The following SLC12A2 variants were observed in gnomAD, a reference collection of about 807,000 sequenced individuals.
SLC12A2 encodes the protein Na-K-2Cl cotransporter 1.
In SLC12A2, 67 loss-of-function variants were observed where a neutral mutation model predicts 136.3. The observed-to-expected ratio is 0.49, with a 90% CI of 0.40 to 0.60. The LOEUF (loss-of-function observed/expected upper bound fraction) is 0.60, where lower values mean the gene tolerates loss of function less well. Among genes scored for constraint, SLC12A2 ranks in the 20% least tolerant of loss-of-function variants. The pLI is 0.00. For missense variants in SLC12A2, 1,322 were observed against 1,534.7 expected, an observed-to-expected ratio of 0.86 and a Z score of 2.32; for synonymous variants, 619 against 562.9, an observed-to-expected ratio of 1.10 and a Z score of -1.41.
At chr5:128,174,485 T>C in intron 19 of SLC12A2, 56 bp from the exon 20 acceptor site, 1 of 1,334,980 alleles carries the variant, frequency 7.5e-7, no homozygotes, top group Middle Eastern at 2.2e-4. Flanking sequence ...CATAATGCCT[T>C]ATTTAACAGT....
chr5:128,086,263 A>G (rs1760096042), intron 1 of SLC12A2, among the ~76,000 whole-genome samples: 1 of 152,196 alleles, frequency 6.6e-6, no homozygotes, highest in South Asian at 2.1e-4. Context: ...AAATTATCTC[A>G]ATAACAAAGC....
At chr5:128,176,349 A>G (rs560860393) in intron 20 of SLC12A2, among the ~76,000 whole-genome samples, 67 of 152,152 alleles carry the variant, frequency 4.4e-4, no homozygotes, top group African/African-American at 1.4e-3. Context: ...GCAATCTTGC[A>G]GCCTAACTCC....
chr5:128,123,142 G>C (rs1761652153), intron 4 of SLC12A2, among the ~76,000 whole-genome samples: 2 of 152,012 alleles, frequency 1.3e-5, no homozygotes, highest in Admixed American at 6.5e-5. Flanking sequence ...GTTTGCTGCA[G>C]AATTAGGGTT....
At chr5:128,136,128 C>A (rs1419617870) in intron 7 of SLC12A2, among the ~76,000 whole-genome samples, 1 of 152,118 alleles carries the variant, frequency 6.6e-6, no homozygotes, top group Non-Finnish European at 1.5e-5. Flanking sequence ...TCTAATATGA[C>A]TTTCATTCTT....
At chr5:128,124,940 T>A (rs1329913160) in intron 4 of SLC12A2, among the ~76,000 whole-genome samples, 1 of 152,200 alleles carries the variant, frequency 6.6e-6, no homozygotes, top group South Asian at 2.1e-4. Flanking sequence ...GGGCTTATTT[T>A]AAATAACAAA....
chr5:128,186,213 G>T (rs745340499), intron 26 of SLC12A2, among the ~76,000 whole-genome samples: 57 of 152,116 alleles, frequency 3.7e-4, no homozygotes, highest in Non-Finnish European at 7.5e-4. Context: ...GCCTAGATGT[G>T]TAGTAGGCTA....
intron 1 of SLC12A2, chr5:128,109,828 C>T (rs1761079920): frequency 1.8e-5 from 14 of 791,392 alleles, no homozygotes; most frequent in Non-Finnish European, 2.8e-5. Flanking sequence ...GAGTTAAATT[C>T]CAAGGTCAAG....
rs1763971027 is a variant in SLC12A2 at position 128,189,265 on chromosome 5, T to G, written c.*2634T>G. 6.6e-6 allele frequency: 1 copy of G among 152,206 alleles called. No individual in the cohort carries two copies. The highest frequency in any genetic ancestry group is 1.9e-4 in the East Asian group (1 of 5,202). The allele number at this position is 152,206 out of a possible 1,614,324, so 9.4% of individuals were successfully genotyped here. The stretch of plus-strand genomic sequence containing the variant: ...TTTTATGCCAAATTTTTTTTAGTTC[T>G]AATCATTGATGATAGCTTGGAAATA... On this transcript the variant is annotated 3_prime_UTR_variant, in exon 27 of 27. Transcript: ENST00000262461.
chr5:128,140,384 A>G (rs1318226455), intron 9 of SLC12A2, among the ~76,000 whole-genome samples: 1 of 152,220 alleles, frequency 6.6e-6, no homozygotes, highest in Non-Finnish European at 1.5e-5. Flanking sequence ...GAAAACACGG[A>G]TGAATATATA....
chr5:128,166,361 C>A (rs764821868), intron 17 of SLC12A2, among the ~76,000 whole-genome samples: 1 of 151,246 alleles, frequency 6.6e-6, no homozygotes, highest in African/African-American at 2.4e-5. Flanking sequence ...AAAGCATGAG[C>A]AATAAAAGGG....
rs1460573952 is a variant in SLC12A2 at position 128,189,575 on chromosome 5, T to C, written c.*2944T>C. 6.6e-6 allele frequency: 1 copy of C among 152,646 alleles called. No homozygotes were observed. Among genetic ancestry groups the C allele is most frequent in the Non-Finnish European group, 1.5e-5 (1 of 68,024 alleles). 9.5% of individuals were successfully genotyped at this position (152,646 alleles called of 1,614,324 possible). ...GTAATATTTTGATAATACTGTAATATACCTGTCACACAAATGCTTTTCTAA... is the reference window on the plus strand; with the variant it reads ...GTAATATTTTGATAATACTGTAATACACCTGTCACACAAATGCTTTTCTAA... On this transcript the variant is annotated 3_prime_UTR_variant, in exon 27 of 27. Coordinates refer to ENST00000262461, the MANE Select transcript of SLC12A2 (RefSeq NM_001046.3).
intron 1 of SLC12A2, among the ~76,000 whole-genome samples, chr5:128,112,053 A>C (rs1761167681): frequency 1.3e-5 from 2 of 152,134 alleles, no homozygotes; most frequent in African/African-American, 4.8e-5. Context: ...CTTTCCTTTC[A>C]TGACCTTTTT....
Position 128,107,664 on chromosome 5 carries a change from G to A in SLC12A2, c.757-5150G>A, listed in dbSNP as rs573348158. Among the ~76,000 whole-genome samples, 5 of 152,286 alleles carry A rather than the reference G, an allele frequency of 3.3e-5. No individual in the cohort carries two copies. In the South Asian group the frequency reaches 1.0e-3, roughly 32 times the overall value. On this transcript the variant is annotated intron_variant, in intron 1 of 26. Transcript: ENST00000262461. ...TGCATAGTATTCTATGTGTATATGTGCAACATTTTCTTTATTCAGTCTATC... is the reference window on the plus strand; with the variant it reads ...TGCATAGTATTCTATGTGTATATGTACAACATTTTCTTTATTCAGTCTATC...
rs774048943 is a variant in SLC12A2, at chr5:128,163,381, TAGTC to T, written c.2616+1585_2616+1588del. ...CTGTCTCTACTAAAAATACAAAAGT[TAGTC>T]AGTTGTGGTGGCACGCACCTGTAAT... On this transcript the variant is annotated intron_variant, in intron 17 of 26. Coordinates refer to ENST00000262461, the MANE Select transcript of SLC12A2 (RefSeq NM_001046.3). Among the ~76,000 whole-genome samples, 320 of 152,096 alleles carry T rather than the reference TAGTC, an allele frequency of 2.1e-3. 3 individuals carry two copies. The highest frequency in any genetic ancestry group is 7.3e-3 in the African/African-American group (303 of 41,504).
Position 128,188,634 on chromosome 5 carries a change from T to G in SLC12A2, c.*2003T>G, listed in dbSNP as rs557076928. On this transcript the variant is annotated 3_prime_UTR_variant, in exon 27 of 27. Coordinates refer to ENST00000262461, the MANE Select transcript of SLC12A2 (RefSeq NM_001046.3). The stretch of plus-strand genomic sequence containing the variant: ...GATAGACATCTATAACGTTATTATT[T>G]TCAGTGGTGTGCAGCATTTTTGCTT... 2 of 152,106 alleles carry G rather than the reference T, an allele frequency of 1.3e-5. No individual in the cohort carries two copies. Among genetic ancestry groups the G allele is most frequent in the Non-Finnish European group, 2.9e-5 (2 of 67,992 alleles). 9.4% of individuals were successfully genotyped at this position (152,106 alleles called of 1,614,324 possible). A position where few individuals can be genotyped will look rare whatever the true frequency, so the allele number is the denominator to read the frequency against.
chr5:128,147,734 G>C lies in SLC12A2; in HGVS notation c.1881+5G>C. The C allele has an allele frequency of 1.9e-6, 3 of 1,543,742 alleles. No individual in the cohort carries two copies. Among genetic ancestry groups the C allele is most frequent in the Non-Finnish European group, 2.7e-6 (3 of 1,117,546 alleles). ...AGTGCTCCCAAAATATTTCAGGTAA[G>C]TGTTTTTATATTACAGGCTTTATTA... On this transcript the variant is annotated splice_donor_5th_base_variant and intron_variant, in intron 11 of 26. Transcript: ENST00000262461.
In SLC12A2 at chr5:128,177,146, A is replaced by G. The variant is rs1213786749; in HGVS notation, c.2971A>G (p.Lys991Glu). The G allele has an allele frequency of 6.3e-7, 1 of 1,592,996 alleles. No individual in the cohort carries two copies. The highest frequency in any genetic ancestry group is 1.8e-5 in the Admixed American group (1 of 55,804). ...CAAGACTGCAACTCAACCACTGTTGAAAAAAGGCAGGCATTTTTCATCATT... is the reference window on the plus strand; with the variant it reads ...CAAGACTGCAACTCAACCACTGTTGGAAAAAGGCAGGCATTTTTCATCATT... Reference protein sequence around the residue: ...DGKTATQPLLKKESKGPIVPL... With the variant: ...DGKTATQPLLEKESKGPIVPL... The change falls in exon 21 of 27, where the codon AAA (lysine) becomes GAA (glutamate). Residue 991 changes from lysine to glutamate, a missense_variant. Transcript: ENST00000262461.
At chr5:128,147,499 G>A (rs1409982832) in intron 10 of SLC12A2, 123 bp from the exon 11 acceptor site, 6 of 603,400 alleles carry the variant, frequency 9.9e-6, no homozygotes, top group Non-Finnish European at 1.8e-5. Context: ...TAGCGTTGTT[G>A]TTATTATTAT....
intron 1 of SLC12A2, among the ~76,000 whole-genome samples, chr5:128,102,585 C>A (rs60942117): frequency 5.0e-4 from 7 of 13,880 alleles, no homozygotes; most frequent in South Asian, 1.8e-3. Context: ...GTAATTCACC[C>A]CCCCCCCCGC....
Sources: gnomAD v4.1 joint callset for allele counts (sites outside exome capture counted in the v4.1 genomes callset) on GRCh38, gnomAD v4.1.1 for gene constraint, MANE v1.5 for transcripts, NCBI Gene and HGNC (gene_info 2026-07-23, HGNC 2026-07-21) for gene names.